The following KCNMB2 variants were observed in gnomAD, a reference collection of about 807,000 sequenced individuals.
KCNMB2 encodes the protein calcium-activated potassium channel subunit beta-2.
A neutral mutation model predicts 24.5 loss-of-function variants in KCNMB2; 9 were observed. That is an observed-to-expected ratio of 0.37 (90% CI 0.22 to 0.64). The LOEUF is 0.64. Among genes scored for constraint, KCNMB2 ranks in the 30% least tolerant of loss-of-function variants. KCNMB2 has a pLI of 0.63. For synonymous variants in KCNMB2, 109 were observed against 104.4 expected (o/e 1.04, Z -0.27); for missense variants, 226 against 284.3 (o/e 0.79, Z 1.47).
At chr3:178,660,900 C>T (rs1035912730) in intron 1 of KCNMB2, among the ~76,000 whole-genome samples, 1 of 152,106 alleles carries the variant, frequency 6.6e-6, no homozygotes, top group East Asian at 1.9e-4. Context: ...ATTCTTCAGA[C>T]AGATCCTTCT....
chr3:178,783,004 A>T (rs1391739161), intron 1 of KCNMB2, among the ~76,000 whole-genome samples: 1 of 147,884 alleles, frequency 6.8e-6, no homozygotes, highest in Non-Finnish European at 1.5e-5. Flanking sequence ...TCAGTTTTCT[A>T]CATATGGCTA....
chr3:178,733,644 T>C lies in KCNMB2; in HGVS notation c.-67-73699T>C, dbSNP rs181802846. Among the ~76,000 whole-genome samples the C allele has an allele frequency of 1.9e-3, 287 of 152,042 alleles. 1 individual carries two copies. The highest frequency in any genetic ancestry group is 2.5e-3 in the South Asian group (12 of 4,812). ...TACAGGTGCATGCCACCATGCCCAGTTGACTTTTGTATTTTTAGGAGGGAT... is the reference window on the plus strand; with the variant it reads ...TACAGGTGCATGCCACCATGCCCAGCTGACTTTTGTATTTTTAGGAGGGAT... On this transcript the variant is annotated intron_variant, in intron 1 of 4. Transcript: ENST00000452583.
intron 1 of KCNMB2, among the ~76,000 whole-genome samples, chr3:178,710,934 G>A (rs1722432719): frequency 6.6e-6 from 1 of 152,154 alleles, no homozygotes; most frequent in Admixed American, 6.5e-5. Flanking sequence ...CCTACTATAC[G>A]GAAGGAGCTG....
chr3:178,686,942 T>C (rs1046986277), intron 1 of KCNMB2, among the ~76,000 whole-genome samples: 3 of 152,156 alleles, frequency 2.0e-5, no homozygotes, highest in African/African-American at 7.2e-5. Flanking sequence ...ACAGCTTTTA[T>C]TTATCTTTTT....
At chr3:178,784,799 T>C (rs1166453834) in intron 1 of KCNMB2, among the ~76,000 whole-genome samples, 2 of 151,538 alleles carry the variant, frequency 1.3e-5, no homozygotes, top group Non-Finnish European at 2.9e-5. Flanking sequence ...CTTTATCTGC[T>C]TAGTGTCTTT....
At chr3:178,663,951 T>G (rs1412313649) in intron 1 of KCNMB2, among the ~76,000 whole-genome samples, 5 of 152,068 alleles carry the variant, frequency 3.3e-5, no homozygotes, top group Non-Finnish European at 7.4e-5. Context: ...GTTATGGCAA[T>G]GAAACATACA....
At chr3:178,647,943 G>C (rs1049445931) in intron 1 of KCNMB2, among the ~76,000 whole-genome samples, 7 of 151,990 alleles carry the variant, frequency 4.6e-5, no homozygotes, top group Admixed American at 1.3e-4. Flanking sequence ...GTAATGTTTT[G>C]ATATAATTAT....
rs1312343933 is a variant in KCNMB2 at position 178,842,681 on chromosome 3, A to T, written c.452A>T (p.Asn151Ile). Residue 151 changes from asparagine to isoleucine, a missense_variant, in exon 5 of 5, where the codon AAT (asparagine) becomes ATT (isoleucine). Asn to Ile is a moderately radical substitution (Grantham distance 149). Transcript: ENST00000452583. ...TCCTATATACCTAAATGTGGAAAAA[A>T]TTTTGAAGAATCCATGTCCCTGGTG... ...KCSYIPKCGK[N>I]FEESMSLVNV... The T allele has an allele frequency of 3.1e-6, 5 of 1,612,380 alleles. No individual in the cohort carries two copies. The African/African-American group carries it at 5.3e-5, about 17-fold the overall frequency.
At chr3:178,761,075 T>C (rs755695975) in intron 1 of KCNMB2, among the ~76,000 whole-genome samples, 2 of 152,200 alleles carry the variant, frequency 1.3e-5, no homozygotes, top group Non-Finnish European at 2.9e-5. Flanking sequence ...GGCACATCTT[T>C]AATTACTCAC....
intron 1 of KCNMB2, among the ~76,000 whole-genome samples, chr3:178,636,235 G>A (rs1427206456): frequency 6.6e-6 from 1 of 152,088 alleles, no homozygotes. Flanking sequence ...ATAATGGATT[G>A]TAGGAACTTG....
intron 1 of KCNMB2, among the ~76,000 whole-genome samples, chr3:178,680,152 T>G (rs1188862515): frequency 6.6e-6 from 1 of 152,162 alleles, no homozygotes; most frequent in Non-Finnish European, 1.5e-5. Context: ...CTTTTCTTCT[T>G]GAATGAGACT....
At chr3:178,680,505 GA>G in intron 1 of KCNMB2, among the ~76,000 whole-genome samples, 1 of 152,146 alleles carries the variant, frequency 6.6e-6, no homozygotes, top group East Asian at 1.9e-4. Flanking sequence ...GGAAAATCAA[GA>G]CACAGCTAAA....
intron 1 of KCNMB2, among the ~76,000 whole-genome samples, chr3:178,734,588 T>C (rs1432201465): frequency 1.3e-5 from 2 of 152,160 alleles, no homozygotes; most frequent in African/African-American, 4.8e-5. Context: ...ACCTATTATT[T>C]TGTCCAGTCT....
chr3:178,663,618 G>A (rs1679509721), intron 1 of KCNMB2, among the ~76,000 whole-genome samples: 1 of 152,068 alleles, frequency 6.6e-6, no homozygotes, highest in African/African-American at 2.4e-5. Flanking sequence ...CATTCCTTAA[G>A]TCATTTGTAC....
At chr3:178,542,605 A>C (rs1364600644) in intron 1 of KCNMB2, among the ~76,000 whole-genome samples, 1 of 152,172 alleles carries the variant, frequency 6.6e-6, no homozygotes, top group Non-Finnish European at 1.5e-5. Flanking sequence ...AACTGTCTTT[A>C]ATGTATTTGA....
chr3:178,553,240 A>G (rs1335549943), intron 1 of KCNMB2, among the ~76,000 whole-genome samples: 1 of 152,246 alleles, frequency 6.6e-6, no homozygotes. Flanking sequence ...GATTTCCCTT[A>G]TTATCCTACC....
chr3:178,613,133 C>T (rs1024422807), intron 1 of KCNMB2, among the ~76,000 whole-genome samples: 1 of 152,218 alleles, frequency 6.6e-6, no homozygotes, highest in East Asian at 1.9e-4. Flanking sequence ...AGCAGTGGCT[C>T]ATGCCTGTAA....
chr3:178,586,084 C>G (rs1717418953), intron 1 of KCNMB2, among the ~76,000 whole-genome samples: 2 of 152,194 alleles, frequency 1.3e-5, no homozygotes, highest in South Asian at 4.2e-4. Context: ...GTTTCTCTAC[C>G]CTGTCTCTTG....
intron 1 of KCNMB2, among the ~76,000 whole-genome samples, chr3:178,588,588 G>T (rs1370096777): frequency 6.6e-6 from 1 of 151,940 alleles, no homozygotes; most frequent in Non-Finnish European, 1.5e-5. Flanking sequence ...GCATATATGT[G>T]TGTGGGTATA....
Sources: gnomAD v4.1 joint callset for allele counts (sites outside exome capture counted in the v4.1 genomes callset) on GRCh38, gnomAD v4.1.1 for gene constraint, MANE v1.5 for transcripts, NCBI Gene and HGNC (gene_info 2026-07-23, HGNC 2026-07-21) for gene names.